ERBB4: variants seen among roughly 807,000 people sequenced by gnomAD.
The protein encoded by ERBB4 is receptor tyrosine-protein kinase erbB-4.
In ERBB4, 42 loss-of-function variants were observed where a neutral mutation model predicts 158.0. The ratio of observed to expected loss-of-function variants is 0.27; its 90% CI spans 0.21 to 0.34. The LOEUF is 0.34. Among genes scored for constraint, ERBB4 ranks in the 10% least tolerant of loss-of-function variants. The pLI is 1.00. For missense variants in ERBB4, 1,333 were observed against 1,624.1 expected (o/e 0.82, Z 3.08); for synonymous variants, 583 against 558.7 (o/e 1.04, Z -0.61).
chr2:211,953,511 A>G (rs752953462), intron 2 of ERBB4, among the ~76,000 whole-genome samples: 1 of 151,636 alleles, frequency 6.6e-6, no homozygotes, highest in Non-Finnish European at 1.5e-5. Context: ...GCCCTAGCAA[A>G]GACAAAATCC....
intron 3 of ERBB4, among the ~76,000 whole-genome samples, chr2:211,875,994 A>T (rs1417814105): frequency 6.6e-6 from 1 of 152,152 alleles, no homozygotes; most frequent in Admixed American, 6.5e-5. Context: ...AGGATAATGA[A>T]ATCACATAAC....
intron 5 of ERBB4, among the ~76,000 whole-genome samples, chr2:211,741,364 T>TA (rs2074788609): frequency 6.6e-6 from 1 of 151,898 alleles, no homozygotes; most frequent in Admixed American, 6.6e-5. Context: ...TCCCTCTGCT[T>TA]AGAATAGCTA....
At chr2:211,810,829 C>T (rs929130975) in intron 3 of ERBB4, among the ~76,000 whole-genome samples, 35 of 151,928 alleles carry the variant, frequency 2.3e-4, no homozygotes, top group East Asian at 7.8e-4. Context: ...CCCGCCACCG[C>T]GCCCGGCTAA....
intron 3 of ERBB4, among the ~76,000 whole-genome samples, chr2:211,836,074 G>T (rs563674370): frequency 3.2e-4 from 48 of 152,110 alleles, no homozygotes; most frequent in African/African-American, 1.0e-3. Flanking sequence ...AATCATGTCA[G>T]GTCTTTATCT....
chr2:211,780,643 G>T (rs1173278593), intron 4 of ERBB4, among the ~76,000 whole-genome samples: 1 of 152,180 alleles, frequency 6.6e-6, no homozygotes, highest in African/African-American at 2.4e-5. Context: ...CATTAAAAAG[G>T]CAGCTGAGCT....
intron 25 of ERBB4, among the ~76,000 whole-genome samples, chr2:211,389,225 C>T (rs982994481): frequency 1.3e-5 from 2 of 152,058 alleles, no homozygotes; most frequent in Non-Finnish European, 2.9e-5. Flanking sequence ...TTAGTAGAGA[C>T]GGGGTTTCAC....
intron 20 of ERBB4, among the ~76,000 whole-genome samples, chr2:211,445,742 A>G (rs2064095792): frequency 1.3e-5 from 2 of 152,192 alleles, no homozygotes; most frequent in Non-Finnish European, 2.9e-5. Context: ...ACAACACAAA[A>G]TTAGGCTCTT....
At chr2:211,648,432 A>T (rs960048001) in intron 16 of ERBB4, among the ~76,000 whole-genome samples, 1 of 151,800 alleles carries the variant, frequency 6.6e-6, no homozygotes, top group Admixed American at 6.6e-5. Flanking sequence ...GGATTTTATG[A>T]TATTAGGAAT....
chr2:211,912,340 C>A (rs1039898574), intron 3 of ERBB4, among the ~76,000 whole-genome samples: 13 of 151,844 alleles, frequency 8.6e-5, no homozygotes, highest in Non-Finnish European at 1.8e-4. Context: ...TTGGGGGGTC[C>A]TGAGATTTTT....
At chr2:212,451,842 ACAGGGCG>A (rs1327175363) in intron 1 of ERBB4, among the ~76,000 whole-genome samples, 1 of 152,108 alleles carries the variant, frequency 6.6e-6, no homozygotes, top group African/African-American at 2.4e-5. Context: ...TCTAGTTGCT[ACAGGGCG>A]CAGCTATTCA....
At chr2:212,536,958 C>G (rs1158206551) in intron 1 of ERBB4, among the ~76,000 whole-genome samples, 4 of 152,072 alleles carry the variant, frequency 2.6e-5, no homozygotes, top group African/African-American at 7.2e-5. Flanking sequence ...CTTGGAATGT[C>G]AAGTCCGTGT....
intron 3 of ERBB4, among the ~76,000 whole-genome samples, chr2:211,944,798 G>T (rs1343166086): frequency 6.6e-6 from 1 of 152,054 alleles, no homozygotes; most frequent in Non-Finnish European, 1.5e-5. Context: ...TCATTCAGTA[G>T]GTTTCAGGTG....
intron 2 of ERBB4, among the ~76,000 whole-genome samples, chr2:212,037,877 G>C (rs903011541): frequency 1.3e-5 from 2 of 152,138 alleles, no homozygotes; most frequent in Non-Finnish European, 2.9e-5. Flanking sequence ...CGGGGAATGA[G>C]AGCAAATATT....
At chr2:212,009,509 A>G (rs996117793) in intron 2 of ERBB4, among the ~76,000 whole-genome samples, 2 of 151,986 alleles carry the variant, frequency 1.3e-5, no homozygotes, top group Non-Finnish European at 2.9e-5. Context: ...GCACTGTAAG[A>G]GAATAAATTC....
chr2:211,907,056 C>T (rs141617576), intron 3 of ERBB4, among the ~76,000 whole-genome samples: 3 of 151,808 alleles, frequency 2.0e-5, no homozygotes, highest in African/African-American at 7.2e-5. Context: ...TCTAACATAA[C>T]AGAGTTGTCC....
intron 20 of ERBB4, among the ~76,000 whole-genome samples, chr2:211,503,553 C>T (rs944010717): frequency 6.6e-6 from 1 of 152,082 alleles, no homozygotes; most frequent in African/African-American, 2.4e-5. Flanking sequence ...AATGGTGTGA[C>T]AAGATAGTTG....
chr2:211,611,306 G>A (rs990246778), intron 19 of ERBB4, among the ~76,000 whole-genome samples: 1 of 150,082 alleles, frequency 6.7e-6, no homozygotes, highest in Admixed American at 6.6e-5. Context: ...AGCTAATTCT[G>A]TAGGACAGAA....
chr2:212,172,408 TACTGGGAATATACC>T (rs1249580020), intron 1 of ERBB4, among the ~76,000 whole-genome samples: 4 of 152,150 alleles, frequency 2.6e-5, no homozygotes, highest in Non-Finnish European at 5.9e-5. Context: ...CCAATCCCAT[TACTGGGAATATACC>T]CAAAGGACTA....
chr2:212,506,756 G>A (rs1242274995), intron 1 of ERBB4, among the ~76,000 whole-genome samples: 1 of 152,148 alleles, frequency 6.6e-6, no homozygotes, highest in Admixed American at 6.5e-5. Flanking sequence ...GATAGAAGCT[G>A]GTTCATGAGG....
Sources: gnomAD v4.1 joint callset for allele counts (sites outside exome capture counted in the v4.1 genomes callset) on GRCh38, gnomAD v4.1.1 for gene constraint, MANE v1.5 for transcripts, NCBI Gene and HGNC (gene_info 2026-07-23, HGNC 2026-07-21) for gene names.